Variants in SP110 observed in about 807,000 individuals in gnomAD.
The protein encoded by SP110 is interferon-induced protein 41, 30kD.
Under a neutral mutation model 92.7 loss-of-function variants are expected in SP110, and 62 were observed. The ratio of observed to expected loss-of-function variants is 0.67; its 90% CI spans 0.55 to 0.83. The LOEUF is 0.83. SP110 is among the 40% of genes least tolerant of loss of function. The pLI is 0.00. For synonymous variants in SP110, 273 were observed against 305.3 expected, an observed-to-expected ratio of 0.89 and a Z score of 1.10; for missense variants, 793 against 863.9, an observed-to-expected ratio of 0.92 and a Z score of 1.03.
At chr2:230,171,834 T>C in intron 16 of SP110, 67 bp from the exon 17 acceptor site, 1 of 1,251,832 alleles carries the variant, frequency 8.0e-7, no homozygotes, top group Middle Eastern at 1.9e-4. Flanking sequence ...GGCGAGTGTC[T>C]AGACATGCAC....
In SP110 at chr2:230,166,134, C is replaced by T. The variant is rs955401924; in HGVS notation, c.*2990G>A. ...GTCTCGATCTCTTGACCTCGCGATC[C>T]ACTCGCCTCAGCCTCCCAAAGTGCT... is the stretch of plus-strand genomic sequence containing the variant. On this transcript the variant is annotated 3_prime_UTR_variant, in exon 19 of 19. Transcript: ENST00000258381. Among the ~76,000 whole-genome samples the T allele has an allele frequency of 1.3e-5, 2 of 152,176 alleles. No homozygotes were observed. The highest frequency in any genetic ancestry group is 4.8e-5 in the African/African-American group (2 of 41,446).
intron 1 of SP110, among the ~76,000 whole-genome samples, chr2:230,218,109 T>C (rs2045425368): frequency 6.6e-6 from 1 of 152,238 alleles, no homozygotes; most frequent in Non-Finnish European, 1.5e-5. Flanking sequence ...AGTTTACAAA[T>C]GACATTCTTG....
Position 230,211,166 on chromosome 2 carries a change from C to T in SP110, c.751+304G>A, listed in dbSNP as rs1252271695. Among the ~76,000 whole-genome samples, 1 of 152,186 alleles carries T rather than the reference C, an allele frequency of 6.6e-6. No individual in the cohort carries two copies. The highest frequency in any genetic ancestry group is 1.5e-5 in the Non-Finnish European group (1 of 68,022). On this transcript the variant is annotated intron_variant, in intron 6 of 18. Coordinates refer to ENST00000258381, the MANE Select transcript of SP110 (RefSeq NM_080424.4). This position sits in a 1 kb window ranked among gnomAD's most constrained non-coding sequence, Gnocchi z 4.2. ...CAGGTGAATGTTTCCCTTTCAGGCG[C>T]TTTGTGGCATTTGGAGTCCAAACCT...
At chr2:230,222,020 G>A (rs2045860188), upstream of SP110, among the ~76,000 whole-genome samples, 1 of 152,208 alleles carries the variant, frequency 6.6e-6, no homozygotes, top group Admixed American at 6.5e-5. Context: ...TTGAGGCCAG[G>A]AATTCAAGAC....
At chr2:230,191,437 T>C (rs2042627242) in intron 10 of SP110, among the ~76,000 whole-genome samples, 1 of 151,992 alleles carries the variant, frequency 6.6e-6, no homozygotes, top group Non-Finnish European at 1.5e-5. Context: ...AGAATAAAAA[T>C]GATAAGGGGG....
chr2:230,173,586 C>T (rs892111275), intron 14 of SP110: 7 of 153,534 alleles, frequency 4.6e-5, no homozygotes, highest in African/African-American at 1.2e-4. Context: ...AATTAAAACA[C>T]GGCTTTCAAG....
At position 230,165,344 on chromosome 2, in the gene SP110, A is replaced by T. The variant is rs574783784; in HGVS notation, c.*3780T>A. Reference sequence around the variant, plus strand: ...ACTTCAGTTGACTGAAAGGCAGAGCAAAAAGGAAGTATGGAGAAGTCGTGT... The same window carrying T: ...ACTTCAGTTGACTGAAAGGCAGAGCTAAAAGGAAGTATGGAGAAGTCGTGT... On this transcript the variant is annotated 3_prime_UTR_variant, in exon 19 of 19. Coordinates refer to ENST00000258381, the MANE Select transcript of SP110 (RefSeq NM_080424.4). Among the ~76,000 whole-genome samples the T allele has an allele frequency of 6.6e-6, 1 of 152,348 alleles. No individual in the cohort carries two copies. Among genetic ancestry groups the T allele is most frequent in the Admixed American group, 6.5e-5 (1 of 15,312 alleles).
chr2:230,174,605 G>C (rs1330412414), intron 14 of SP110, among the ~76,000 whole-genome samples: 1 of 152,346 alleles, frequency 6.6e-6, no homozygotes, highest in East Asian at 1.9e-4. Flanking sequence ...TGCTGATAGA[G>C]TGGCAACTGC....
intron 10 of SP110, chr2:230,200,441 C>T (rs1224697805): frequency 1.6e-5 from 3 of 186,920 alleles, no homozygotes; most frequent in Admixed American, 5.5e-5. Flanking sequence ...ATGAGTTTTT[C>T]GCTTCTCAAT....
chr2:230,199,151 T>TTA (rs1559160063), intron 10 of SP110, among the ~76,000 whole-genome samples: 54 of 112,840 alleles, frequency 4.8e-4, no homozygotes, highest in Middle Eastern at 4.2e-3. Context: ...TATTATTATT[T>TTA]TTTTTTTTTT....
chr2:230,218,310 C>T (rs1199068344), intron 1 of SP110, among the ~76,000 whole-genome samples: 1 of 152,184 alleles, frequency 6.6e-6, no homozygotes, highest in East Asian at 1.9e-4. Flanking sequence ...TCTCTTTCTC[C>T]TCATTCCCCA....
chr2:230,212,243 GT>G, intron 5 of SP110, 103 bp downstream of exon 5: 1 of 850,340 alleles, frequency 1.2e-6, no homozygotes, highest in Non-Finnish European at 2.0e-6. Context: ...GTATTGCTCA[GT>G]TCTTTTTCCC....
chr2:230,194,487 C>CGG (rs34160184), intron 10 of SP110, among the ~76,000 whole-genome samples: 5 of 151,596 alleles, frequency 3.3e-5, no homozygotes, highest in African/African-American at 1.2e-4. Flanking sequence ...AAGAAAGGAA[C>CGG]AGAAAGGGAA....
Position 230,166,484 on chromosome 2 carries a change from G to A in SP110, c.*2640C>T, listed in dbSNP as rs12328528. On this transcript the variant is annotated 3_prime_UTR_variant, in exon 19 of 19. Coordinates refer to ENST00000258381, the MANE Select transcript of SP110 (RefSeq NM_080424.4). The stretch of plus-strand genomic sequence containing the variant: ...TATGACAGTGTGTAAAAACTATAGA[G>A]CAATCTCATTTATAAATACAAATGT... Among the ~76,000 whole-genome samples, 3 of 152,022 alleles carry A rather than the reference G, an allele frequency of 2.0e-5. No homozygotes were observed. Among genetic ancestry groups the A allele is most frequent in the Non-Finnish European group, 2.9e-5 (2 of 68,010 alleles).
chr2:230,172,156 G>A lies in SP110; in HGVS notation c.1725C>T (p.Thr575=). ...VEAKRMLWSC[T]FCRMKRSSGS... Reference sequence around the variant, plus strand: ...CTGAAGACCTCTTCATCCTGCAGAAGGTGCAACTCCACAGCATCCTGAGAG... The same window carrying A: ...CTGAAGACCTCTTCATCCTGCAGAAAGTGCAACTCCACAGCATCCTGAGAG... The change falls in exon 16 of 19, where the codon ACC becomes ACT. Residue 575 remains threonine, a synonymous_variant. Coordinates refer to ENST00000258381, the MANE Select transcript of SP110 (RefSeq NM_080424.4). The A allele has an allele frequency of 3.1e-6, 5 of 1,610,224 alleles. No individual in the cohort carries two copies. Among genetic ancestry groups the A allele is most frequent in the Non-Finnish European group, 4.3e-6 (5 of 1,176,318 alleles).
At chr2:230,169,261 A>C in intron 18 of SP110, 24 bp from the exon 19 acceptor site, 1 of 1,297,110 alleles carries the variant, frequency 7.7e-7, no homozygotes, top group Non-Finnish European at 1.1e-6. Flanking sequence ...AAGCAAACAA[A>C]CACATTGAAG....
Position 230,210,101 on chromosome 2 carries a change from T to C in SP110, c.752-93A>G, listed in dbSNP as rs1040815742. The C allele has an allele frequency of 3.7e-6, 3 of 819,120 alleles. No homozygotes were observed. In the African/African-American group the frequency reaches 5.0e-5, roughly 14 times the overall value. The allele number at this position is 819,120 out of a possible 1,614,324, so 50.7% of individuals were successfully genotyped here. Reference sequence around the variant, plus strand: ...ATGCAAGAACTAGAAAAGTAGAAAGTACATGCAGCCCAGGGCCGGGAATCT... The same window carrying C: ...ATGCAAGAACTAGAAAAGTAGAAAGCACATGCAGCCCAGGGCCGGGAATCT... On this transcript the variant is annotated intron_variant, in intron 6 of 18. Transcript: ENST00000258381.
intron 8 of SP110, among the ~76,000 whole-genome samples, chr2:230,204,453 A>G (rs760992349): frequency 2.0e-5 from 3 of 152,152 alleles, no homozygotes; most frequent in Non-Finnish European, 4.4e-5. Context: ...ATTGTATTGG[A>G]AATTTCCCTC....
In SP110 at chr2:230,205,598, T is replaced by TA. The variant is rs35825596; in HGVS notation, c.898+2392dup. On this transcript the variant is annotated intron_variant, in intron 8 of 18. Transcript: ENST00000258381. ...TGCTTACTTTCTTACTTTCTCTCTTTAAAAAAAAAATCTGTCTTCAGCTTT... is the reference window on the plus strand; with the variant it reads ...TGCTTACTTTCTTACTTTCTCTCTTTAAAAAAAAAAATCTGTCTTCAGCTTT... Among the ~76,000 whole-genome samples, 22 of 150,788 alleles carry TA rather than the reference T, an allele frequency of 1.5e-4. 1 individual carries two copies. Among genetic ancestry groups the TA allele is most frequent in the Admixed American group, 3.3e-4 (5 of 15,124 alleles).
Sources: allele counts gnomAD v4.1 joint callset (sites outside exome capture counted in the v4.1 genomes callset), GRCh38; gene constraint gnomAD v4.1.1; non-coding constraint Gnocchi (gnomAD v3.1); transcripts MANE v1.5; gene names NCBI Gene and HGNC (gene_info 2026-07-23, HGNC 2026-07-21).